Variants in XKR6 observed in about 807,000 individuals in gnomAD.
XKR6 encodes XK-related protein 6.
Under a neutral mutation model 56.7 loss-of-function variants are expected in XKR6, and 22 were observed. The observed-to-expected ratio is 0.39, with a 90% CI of 0.28 to 0.55. The LOEUF is 0.55. XKR6 is among the 20% of genes least tolerant of loss of function. The pLI, the probability that XKR6 is intolerant of heterozygous loss-of-function variation, is 0.66. For synonymous variants in XKR6, 524 were observed against 387.8 expected (o/e 1.35, Z -4.13); for missense variants, 852 against 889.0 (o/e 0.96, Z 0.53).
rs1430081442 is a variant in XKR6, at chr8:11,200,516, C to A, written c.764+60G>T. The A allele has an allele frequency of 1.4e-6, 2 of 1,391,994 alleles. No homozygotes were observed. The highest frequency in any genetic ancestry group is 3.0e-5 in the African/African-American group (2 of 66,314). 86.2% of individuals were successfully genotyped at this position (1,391,994 alleles called of 1,614,324 possible). ...TTTCGAGGGGCCGCCCCGCGAAGCACCGGGAGGGCGGAGGGGGGCTCCTCA... is the reference window on the plus strand; with the variant it reads ...TTTCGAGGGGCCGCCCCGCGAAGCAACGGGAGGGCGGAGGGGGGCTCCTCA... On this transcript the variant is annotated intron_variant, in intron 1 of 2. Transcript: ENST00000416569. This position sits in a 1 kb window ranked among gnomAD's most constrained non-coding sequence, Gnocchi z 6.4.
At chr8:10,941,980 G>A (rs1399893451) in intron 1 of XKR6, among the ~76,000 whole-genome samples, 1 of 152,198 alleles carries the variant, frequency 6.6e-6, no homozygotes, top group Non-Finnish European at 1.5e-5. Context: ...AAAAGACTCA[G>A]AAAGCCGACC....
intron 2 of XKR6, among the ~76,000 whole-genome samples, chr8:10,922,049 G>A (rs1800739636): frequency 6.6e-6 from 1 of 152,228 alleles, no homozygotes; most frequent in African/African-American, 2.4e-5. Context: ...AGAACACAGT[G>A]TTCTTCCCTT....
intron 1 of XKR6, among the ~76,000 whole-genome samples, chr8:11,152,053 C>T (rs941260280): frequency 2.0e-5 from 3 of 152,158 alleles, no homozygotes; most frequent in African/African-American, 4.8e-5. Flanking sequence ...CAAAACAAAG[C>T]GGTCCCTTTT....
chr8:11,132,154 G>A (rs901521430), intron 1 of XKR6, among the ~76,000 whole-genome samples: 3 of 151,962 alleles, frequency 2.0e-5, no homozygotes, highest in Admixed American at 1.3e-4. Context: ...AAGCTCCCAG[G>A]TATGCCAGGC....
chr8:10,959,341 T>C (rs1801992722), intron 1 of XKR6, among the ~76,000 whole-genome samples: 1 of 152,118 alleles, frequency 6.6e-6, no homozygotes, highest in Non-Finnish European at 1.5e-5. Context: ...CCTCTGGGCA[T>C]AGGAGAAATG....
chr8:11,125,043 C>G (rs1799695348), intron 1 of XKR6, among the ~76,000 whole-genome samples: 1 of 146,484 alleles, frequency 6.8e-6, no homozygotes, highest in South Asian at 2.2e-4. Flanking sequence ...GAGCCGAGAT[C>G]ACGCCACTGC....
chr8:11,148,980 A>G (rs959856898), intron 1 of XKR6, among the ~76,000 whole-genome samples: 1 of 152,238 alleles, frequency 6.6e-6, no homozygotes, highest in Non-Finnish European at 1.5e-5. Context: ...ATGTATGATG[A>G]AAGAAATATC....
chr8:11,192,080 G>A (rs1803609861), intron 1 of XKR6, among the ~76,000 whole-genome samples: 1 of 152,112 alleles, frequency 6.6e-6, no homozygotes, highest in Non-Finnish European at 1.5e-5. Context: ...ATCCTTGGGA[G>A]GACAAGGCAG....
chr8:11,100,213 G>C (rs2409701), intron 1 of XKR6, among the ~76,000 whole-genome samples: 87,547 of 151,946 alleles, frequency 0.58, 28,514 homozygotes, highest in African/African-American at 0.87. Flanking sequence ...CCATCATGCC[G>C]AGCTAATTTT....
At chr8:10,980,947 G>C (rs1797719811) in intron 1 of XKR6, among the ~76,000 whole-genome samples, 1 of 152,124 alleles carries the variant, frequency 6.6e-6, no homozygotes, top group African/African-American at 2.4e-5. Flanking sequence ...GGACACTGGA[G>C]GTGGCAGCAG....
intron 1 of XKR6, among the ~76,000 whole-genome samples, chr8:10,972,983 G>A (rs1466903980): frequency 1.3e-5 from 2 of 152,312 alleles, no homozygotes; most frequent in South Asian, 2.1e-4. Flanking sequence ...TTCATGAACT[G>A]TTCATGGTGT....
At chr8:11,069,467 G>C (rs904303956) in intron 1 of XKR6, among the ~76,000 whole-genome samples, 2 of 152,120 alleles carry the variant, frequency 1.3e-5, no homozygotes, top group East Asian at 1.9e-4. Context: ...GGGTCATACA[G>C]GCTTCAGCTC....
Position 11,076,179 on chromosome 8 carries a change from T to C in XKR6, c.764+124397A>G, listed in dbSNP as rs375876720. On this transcript the variant is annotated intron_variant, in intron 1 of 2. Coordinates refer to ENST00000416569, the MANE Select transcript of XKR6 (RefSeq NM_173683.4). ...GAGGTCCATAGAGGAGTCAGATTCA[T>C]AGAGGCAGATAGTAGAATGGGGTTG... 3.0e-4 allele frequency among the ~76,000 whole-genome samples: 45 copies of C among 152,288 alleles called. 1 individual carries two copies. In the East Asian group the frequency reaches 7.7e-3, roughly 26 times the overall value.
chr8:11,199,971 C>T (rs763229239), intron 1 of XKR6, among the ~76,000 whole-genome samples: 3 of 149,492 alleles, frequency 2.0e-5, no homozygotes, highest in Non-Finnish European at 3.0e-5. Context: ...ATCCAGCAAA[C>T]CAAAAAAAAA....
At position 11,006,454 on chromosome 8, in the gene XKR6, A is replaced by G. The variant is rs367841658; in HGVS notation, c.765-81624T>C. On this transcript the variant is annotated intron_variant, in intron 1 of 2. Transcript: ENST00000416569. Reference sequence around the variant, plus strand: ...AGACATGCCAGTCATTGGAGACATCAATGACCAACATACTTTTTCTGTCCT... The same window carrying G: ...AGACATGCCAGTCATTGGAGACATCGATGACCAACATACTTTTTCTGTCCT... 4.6e-5 allele frequency among the ~76,000 whole-genome samples: 7 copies of G among 152,312 alleles called. No homozygotes were observed. In the East Asian group the frequency reaches 1.2e-3, roughly 25 times the overall value.
At position 11,113,408 on chromosome 8, in the gene XKR6, T is replaced by A. The variant is rs548212512; in HGVS notation, c.764+87168A>T. Among the ~76,000 whole-genome samples the A allele has an allele frequency of 3.3e-5, 5 of 152,278 alleles. No individual in the cohort carries two copies. The South Asian group carries it at 1.0e-3, about 32-fold the overall frequency. ...TCCACCCAAAAAAGTTTTACTAAAATGTAAAAAGAAGCCACTGTATTATCT... is the reference window on the plus strand; with the variant it reads ...TCCACCCAAAAAAGTTTTACTAAAAAGTAAAAAGAAGCCACTGTATTATCT... On this transcript the variant is annotated intron_variant, in intron 1 of 2. Transcript: ENST00000416569.
At chr8:11,173,162 C>T (rs1487244715) in intron 1 of XKR6, among the ~76,000 whole-genome samples, 12 of 150,196 alleles carry the variant, frequency 8.0e-5, no homozygotes, top group Admixed American at 6.6e-4. Flanking sequence ...GGTGAAACCC[C>T]GTCTCCACTA....
chr8:10,945,815 C>G (rs1215079081), intron 1 of XKR6, among the ~76,000 whole-genome samples: 1 of 152,208 alleles, frequency 6.6e-6, no homozygotes, highest in African/African-American at 2.4e-5. Flanking sequence ...CGCCGCGTCT[C>G]TGCTGGGGAA....
At chr8:11,123,734 T>C (rs746931582) in intron 1 of XKR6, 2 of 400,138 alleles carry the variant, frequency 5.0e-6, no homozygotes, top group Non-Finnish European at 1.0e-5. Flanking sequence ...AAATCCAATA[T>C]GCACCCCTAC....
Sources: allele counts gnomAD v4.1 joint callset (sites outside exome capture counted in the v4.1 genomes callset), GRCh38; gene constraint gnomAD v4.1.1; non-coding constraint Gnocchi (gnomAD v3.1); transcripts MANE v1.5; gene names NCBI Gene and HGNC (gene_info 2026-07-23, HGNC 2026-07-21).